SORCS2: variants seen among roughly 807,000 people sequenced by gnomAD.
SORCS2 encodes the protein sortilin related VPS10 domain containing receptor 2.
Under a neutral mutation model 141.6 loss-of-function variants are expected in SORCS2, and 100 were observed. The ratio of observed to expected loss-of-function variants is 0.71; its 90% CI spans 0.60 to 0.83. The LOEUF (loss-of-function observed/expected upper bound fraction) is 0.83, where lower values mean the gene tolerates loss of function less well. Ranked by LOEUF, SORCS2 falls within the 40% of genes least tolerant of loss-of-function variation. SORCS2 has a pLI of 0.00. For missense variants in SORCS2, 1,646 were observed against 1,560.2 expected (o/e 1.05, Z -0.93); for synonymous variants, 789 against 676.9 (o/e 1.17, Z -2.57).
intron 2 of SORCS2, among the ~76,000 whole-genome samples, chr4:7,479,002 G>A (rs760524527): frequency 2.0e-4 from 31 of 152,154 alleles, no homozygotes; most frequent in Non-Finnish European, 3.7e-4. Flanking sequence ...GGTTCCCCAC[G>A]AGCCTCCAGG....
intron 1 of SORCS2, among the ~76,000 whole-genome samples, chr4:7,227,128 C>T (rs527959531): frequency 6.6e-5 from 10 of 152,106 alleles, no homozygotes; most frequent in Non-Finnish European, 1.5e-4. Flanking sequence ...CGTGCTCACA[C>T]ACATGCAGGA....
At chr4:7,598,296 G>A (rs1717421057) in intron 3 of SORCS2, among the ~76,000 whole-genome samples, 1 of 152,114 alleles carries the variant, frequency 6.6e-6, no homozygotes, top group Non-Finnish European at 1.5e-5. Flanking sequence ...AGAGTGAGGA[G>A]GTGGAGGGCT....
At chr4:7,735,897 G>T (rs1712128297) in intron 25 of SORCS2, among the ~76,000 whole-genome samples, 1 of 151,894 alleles carries the variant, frequency 6.6e-6, no homozygotes, top group South Asian at 2.1e-4. Flanking sequence ...TGGCAGGGGC[G>T]GCCTTCGAGC....
chr4:7,573,261 A>C (rs1033573263), intron 3 of SORCS2, among the ~76,000 whole-genome samples: 1 of 152,160 alleles, frequency 6.6e-6, no homozygotes, highest in African/African-American at 2.4e-5. Context: ...TATCCAACTC[A>C]TTTCAAAAGT....
At chr4:7,608,367 G>T (rs2884801) in intron 3 of SORCS2, among the ~76,000 whole-genome samples, 4,641 of 152,290 alleles carry the variant, frequency 0.03, 241 homozygotes, top group African/African-American at 0.1. Context: ...TTGACCACCT[G>T]AAGCTACCTT....
intron 1 of SORCS2, among the ~76,000 whole-genome samples, chr4:7,224,129 A>T (rs1188812694): frequency 3.3e-5 from 5 of 152,168 alleles, no homozygotes; most frequent in African/African-American, 4.8e-5. Context: ...CCGCAGCAGG[A>T]TGCAGATCCA....
chr4:7,663,834 T>G lies in SORCS2; in HGVS notation c.953-519T>G, dbSNP rs1722333629. Among the ~76,000 whole-genome samples the G allele has an allele frequency of 6.6e-6, 1 of 152,112 alleles. No homozygotes were observed. The highest frequency in any genetic ancestry group is 2.4e-5 in the African/African-American group (1 of 41,418). ...GCAGAGCTTCCTGAGGCCTCCAGGA[T>G]CTAGCCCCTCCACATAAATTTGCCC... On this transcript the variant is annotated intron_variant, in intron 6 of 26. Coordinates refer to ENST00000507866, the MANE Select transcript of SORCS2 (RefSeq NM_020777.3). This position sits in a 1 kb window ranked among gnomAD's most constrained non-coding sequence, Gnocchi z 4.8.
intron 2 of SORCS2, among the ~76,000 whole-genome samples, chr4:7,530,467 G>C (rs891293357): frequency 6.6e-6 from 1 of 152,204 alleles, no homozygotes; most frequent in Non-Finnish European, 1.5e-5. Flanking sequence ...TGCTGCCCAC[G>C]ACAGGAGCCC....
At position 7,430,423 on chromosome 4, in the gene SORCS2, C is replaced by G. The variant is rs1246133976; in HGVS notation, c.548+34068C>G. The G allele has an allele frequency of 2.0e-5, 3 of 152,280 alleles. No homozygotes were observed. In the East Asian group the frequency reaches 5.8e-4, roughly 29 times the overall value. 9.4% of individuals were successfully genotyped at this position (152,280 alleles called of 1,614,324 possible). The stretch of plus-strand genomic sequence containing the variant: ...CAACAACAACAAAGCAGCTGGACCA[C>G]CAAGCCCTTTTCCAGGCTCCCACAG... On this transcript the variant is annotated intron_variant, in intron 2 of 26. Transcript: ENST00000507866.
intron 2 of SORCS2, among the ~76,000 whole-genome samples, chr4:7,417,018 T>C (rs567007425): frequency 3.4e-4 from 52 of 152,294 alleles, no homozygotes; most frequent in Non-Finnish European, 6.6e-4. Context: ...TCTCCTGCTC[T>C]TTGCATTAAA....
chr4:7,541,070 G>A (rs576974513), intron 3 of SORCS2, among the ~76,000 whole-genome samples: 16 of 152,320 alleles, frequency 1.1e-4, no homozygotes, highest in African/African-American at 3.4e-4. Flanking sequence ...TCATGACCAT[G>A]GACTGACACT....
intron 3 of SORCS2, among the ~76,000 whole-genome samples, chr4:7,630,904 C>T (rs1020585260): frequency 6.6e-6 from 1 of 152,050 alleles, no homozygotes; most frequent in African/African-American, 2.4e-5. Flanking sequence ...ATCCTTAGGG[C>T]TAAACTTGGT....
At chr4:7,674,570 T>C (rs2108947163) in intron 8 of SORCS2, among the ~76,000 whole-genome samples, 1 of 112,388 alleles carries the variant, frequency 8.9e-6, no homozygotes, top group African/African-American at 4.1e-5. Flanking sequence ...CGAGACTCTG[T>C]CTCAAAATAA....
intron 1 of SORCS2, among the ~76,000 whole-genome samples, chr4:7,235,625 C>G (rs963853580): frequency 6.6e-6 from 1 of 152,196 alleles, no homozygotes; most frequent in Non-Finnish European, 1.5e-5. Context: ...GTGATAGGCA[C>G]TAGGGTAGAG....
At chr4:7,639,751 ATGAG>A (rs1720524613) in intron 4 of SORCS2, among the ~76,000 whole-genome samples, 1 of 142,406 alleles carries the variant, frequency 7.0e-6, no homozygotes, top group Non-Finnish European at 1.5e-5. Context: ...CTGTGAATGT[ATGAG>A]TGTATGTGGG....
intron 1 of SORCS2, among the ~76,000 whole-genome samples, chr4:7,236,835 C>T (rs1391214927): frequency 6.6e-6 from 1 of 152,226 alleles, no homozygotes; most frequent in African/African-American, 2.4e-5. Context: ...CCCACTTCGG[C>T]CTCCCAAAGT....
At chr4:7,655,764 G>T (rs1375979187) in intron 5 of SORCS2, among the ~76,000 whole-genome samples, 1 of 152,220 alleles carries the variant, frequency 6.6e-6, no homozygotes, top group Non-Finnish European at 1.5e-5. Context: ...CGCAGAGGTG[G>T]GGAGCAGAGC....
At chr4:7,434,073 C>T (rs1036754498) in intron 2 of SORCS2, 2 of 1,611,528 alleles carry the variant, frequency 1.2e-6, no homozygotes, top group Non-Finnish European at 8.5e-7. Flanking sequence ...GGACCCCGTC[C>T]ATGGCCACTA....
At chr4:7,428,939 G>T (rs1040826417) in intron 2 of SORCS2, among the ~76,000 whole-genome samples, 13 of 152,130 alleles carry the variant, frequency 8.5e-5, no homozygotes, top group African/African-American at 2.9e-4. Flanking sequence ...TGAGTGAGCC[G>T]AGTGGCTGGC....
Sources: gnomAD v4.1 joint callset for allele counts (sites outside exome capture counted in the v4.1 genomes callset) on GRCh38, gnomAD v4.1.1 for gene constraint, Gnocchi (gnomAD v3.1) non-coding constraint, MANE v1.5 for transcripts, NCBI Gene and HGNC (gene_info 2026-07-23, HGNC 2026-07-21) for gene names.